The following PIP5K1B variants were observed in gnomAD, a reference collection of about 807,000 sequenced individuals.
PIP5K1B encodes phosphatidylinositol 4-phosphate 5-kinase type-1 beta.
PIP5K1B carries 42 observed loss-of-function variants against 67.0 expected under a neutral mutation model. That is an observed-to-expected ratio of 0.63 (90% confidence interval 0.49 to 0.81). The LOEUF (loss-of-function observed/expected upper bound fraction) is 0.81. Among genes scored for constraint, PIP5K1B ranks in the 30% least tolerant of loss-of-function variants. The pLI is 0.00. For synonymous variants in PIP5K1B, 214 were observed against 231.4 expected (o/e 0.92, Z 0.68); for missense variants, 459 against 646.3 (o/e 0.71, Z 3.14).
At chr9:68,841,217 G>A (rs747635982) in intron 4 of PIP5K1B, among the ~76,000 whole-genome samples, 7 of 152,154 alleles carry the variant, frequency 4.6e-5, no homozygotes, top group East Asian at 1.9e-4. Context: ...AATGCAACAC[G>A]TTGTGACTGA....
At chr9:68,789,224 G>T in intron 2 of PIP5K1B, 1 of 500,398 alleles carries the variant, frequency 2.0e-6, no homozygotes, top group East Asian at 4.8e-5. Context: ...TTCCTGTGAT[G>T]GTGTTGACAA....
At chr9:68,992,839 C>CAAAAAAAAAAAA (rs201517701) in intron 15 of PIP5K1B, among the ~76,000 whole-genome samples, 4 of 57,556 alleles carry the variant, frequency 6.9e-5, no homozygotes, top group Non-Finnish European at 1.2e-4. Flanking sequence ...GACCCTGTCT[C>CAAAAAAAAAAAA]AAAAAAAAAA....
intron 14 of PIP5K1B, among the ~76,000 whole-genome samples, chr9:68,979,650 T>C (rs1415598415): frequency 1.3e-5 from 2 of 152,206 alleles, no homozygotes; most frequent in Non-Finnish European, 2.9e-5. Context: ...CATTGTGGCT[T>C]CTGTCCTCAC....
intron 15 of PIP5K1B, among the ~76,000 whole-genome samples, chr9:68,997,568 G>A (rs1313721937): frequency 1.3e-5 from 2 of 152,186 alleles, no homozygotes; most frequent in Non-Finnish European, 2.9e-5. Context: ...TCTGCCAGGT[G>A]ATCACATTGT....
intron 12 of PIP5K1B, among the ~76,000 whole-genome samples, chr9:68,930,539 C>G (rs1346141106): frequency 1.3e-5 from 2 of 152,122 alleles, no homozygotes; most frequent in Non-Finnish European, 2.9e-5. Context: ...GCAGCCCCTT[C>G]TCTCACAGTA....
Position 68,742,499 on chromosome 9 carries a change from A to C in PIP5K1B, c.-242-2A>C, listed in dbSNP as rs1829061825. On this transcript the variant is annotated splice_acceptor_variant, in intron 1 of 15. Coordinates refer to ENST00000265382, the MANE Select transcript of PIP5K1B (RefSeq NM_003558.4). LOFTEE classifies it low-confidence loss of function (5UTR_SPLICE). ...GTAGGCATTATTATTTCCATTTTACAGATGAGGAAGCCAAGGCCCAGCAGA... is the reference window on the plus strand; with the variant it reads ...GTAGGCATTATTATTTCCATTTTACCGATGAGGAAGCCAAGGCCCAGCAGA... The C allele has an allele frequency of 6.6e-6, 1 of 152,172 alleles. No homozygotes were observed. The highest frequency in any genetic ancestry group is 1.5e-5 in the Non-Finnish European group (1 of 68,040). The allele number at this position is 152,172 out of a possible 1,614,324, so 9.4% of individuals were successfully genotyped here. A position where few individuals can be genotyped will look rare whatever the true frequency, so the allele number is the denominator to read the frequency against.
chr9:68,895,694 T>A (rs538758466), intron 8 of PIP5K1B, among the ~76,000 whole-genome samples: 2 of 152,192 alleles, frequency 1.3e-5, no homozygotes, highest in South Asian at 4.2e-4. Context: ...CAAAAATGTG[T>A]CCTTAGAATT....
intron 1 of PIP5K1B, among the ~76,000 whole-genome samples, chr9:68,734,000 TGTG>T (rs1297599960): frequency 1.3e-5 from 2 of 152,206 alleles, no homozygotes; most frequent in African/African-American, 4.8e-5. Flanking sequence ...TAGAATGTAT[TGTG>T]GTGATTAAGA....
At chr9:68,723,782 G>C (rs1828019401) in intron 1 of PIP5K1B, among the ~76,000 whole-genome samples, 1 of 140,448 alleles carries the variant, frequency 7.1e-6, no homozygotes, top group Admixed American at 7.6e-5. Context: ...TGGATAAATG[G>C]ATAGTTTGCA....
chr9:68,975,208 A>G, intron 14 of PIP5K1B, among the ~76,000 whole-genome samples: 1 of 152,112 alleles, frequency 6.6e-6, no homozygotes, highest in Admixed American at 6.5e-5. Context: ...GGCTGGGACT[A>G]TAGGTGTGTG....
At chr9:68,986,127 T>C (rs924731479) in intron 14 of PIP5K1B, among the ~76,000 whole-genome samples, 7 of 152,224 alleles carry the variant, frequency 4.6e-5, no homozygotes, top group Admixed American at 1.3e-4. Context: ...GGGAGTGGAA[T>C]TGGTGTATCA....
intron 2 of PIP5K1B, among the ~76,000 whole-genome samples, chr9:68,805,408 G>A (rs1290174768): frequency 6.6e-6 from 1 of 152,204 alleles, no homozygotes; most frequent in Non-Finnish European, 1.5e-5. Flanking sequence ...GGTGAGAGTA[G>A]CTAAAAATAG....
At chr9:68,707,039 T>C (rs1295463090) in intron 1 of PIP5K1B, among the ~76,000 whole-genome samples, 2 of 152,128 alleles carry the variant, frequency 1.3e-5, no homozygotes, top group Non-Finnish European at 2.9e-5. Context: ...AAGGAGACGC[T>C]GGGAAAAAAC....
chr9:68,988,871 T>A (rs1830226301), intron 14 of PIP5K1B, among the ~76,000 whole-genome samples: 1 of 151,580 alleles, frequency 6.6e-6, no homozygotes, highest in Non-Finnish European at 1.5e-5. Flanking sequence ...CCGAGGTGGG[T>A]GAATCACGAG....
intron 2 of PIP5K1B, among the ~76,000 whole-genome samples, chr9:68,767,593 T>TAAAAAA (rs36028796): frequency 2.3e-5 from 3 of 128,378 alleles, no homozygotes; most frequent in Non-Finnish European, 4.9e-5. Flanking sequence ...GACTCTGTCT[T>TAAAAAA]AAAAAAAAAA....
chr9:68,889,269 G>A (rs895042106), intron 7 of PIP5K1B, 136 bp downstream of exon 7: 1 of 651,908 alleles, frequency 1.5e-6, no homozygotes, highest in Non-Finnish European at 2.7e-6. Flanking sequence ...TTTAAATTAT[G>A]CTATGACATT....
intron 1 of PIP5K1B, among the ~76,000 whole-genome samples, chr9:68,713,028 T>C (rs1037686196): frequency 6.6e-6 from 1 of 152,210 alleles, no homozygotes; most frequent in African/African-American, 2.4e-5. Context: ...CCCAATACCA[T>C]GGAAGAAGCC....
chr9:68,869,794 A>G (rs1381099210), intron 5 of PIP5K1B, among the ~76,000 whole-genome samples: 1 of 152,216 alleles, frequency 6.6e-6, no homozygotes, highest in East Asian at 1.9e-4. Context: ...CCTGGGCAAT[A>G]TAGTGAGACC....
intron 12 of PIP5K1B, among the ~76,000 whole-genome samples, chr9:68,934,329 A>C (rs545839161): frequency 2.9e-4 from 44 of 152,336 alleles, no homozygotes; most frequent in African/African-American, 1.0e-3. Flanking sequence ...CATGACCTAG[A>C]AAAGAGCTAA....
Sources: allele counts gnomAD v4.1 joint callset (sites outside exome capture counted in the v4.1 genomes callset), GRCh38; gene constraint gnomAD v4.1.1; transcripts MANE v1.5; gene names NCBI Gene and HGNC (gene_info 2026-07-23, HGNC 2026-07-21).